Variants in OPCML observed in about 807,000 individuals in gnomAD.
OPCML encodes the protein opioid-binding protein/cell adhesion molecule.
A neutral mutation model predicts 37.8 loss-of-function variants in OPCML; 13 were observed. That is an observed-to-expected ratio of 0.34 (90% CI 0.22 to 0.55). OPCML has a LOEUF of 0.55. Ranked by LOEUF, OPCML falls within the 20% of genes least tolerant of loss-of-function variation. The pLI is 0.91. For missense variants in OPCML, 341 were observed against 435.6 expected, an observed-to-expected ratio of 0.78 and a Z score of 1.93; for synonymous variants, 176 against 168.8, an observed-to-expected ratio of 1.04 and a Z score of -0.33.
chr11:133,059,184 T>C (rs1360817539), intron 1 of OPCML, among the ~76,000 whole-genome samples: 1 of 152,198 alleles, frequency 6.6e-6, no homozygotes, highest in East Asian at 1.9e-4. Context: ...CTATCTAGAA[T>C]TGTATTGCCA....
chr11:133,096,130 A>ATG (rs59616366), intron 1 of OPCML, among the ~76,000 whole-genome samples: 21,041 of 149,936 alleles, frequency 0.14, 2,163 homozygotes, highest in African/African-American at 0.3. Flanking sequence ...TTGTGCACAA[A>ATG]TGTGTGTGTG....
rs981498866 is a variant in OPCML at position 132,608,022 on chromosome 11, G to A, written c.379+49065C>T. ...GAGGAAAATAATTTGAATGTTTCTC[G>A]CATAAAGAAGAGACAAATATTTGAG... On this transcript the variant is annotated intron_variant, in intron 3 of 7. Coordinates refer to ENST00000524381, the MANE Select transcript of OPCML (RefSeq NM_001012393.5). 4.6e-5 allele frequency among the ~76,000 whole-genome samples: 7 copies of A among 152,244 alleles called. 1 individual carries two copies. Among genetic ancestry groups the A allele is most frequent in the Non-Finnish European group, 4.4e-5 (3 of 68,014 alleles).
At chr11:132,464,903 A>C (rs1180253985) in intron 4 of OPCML, among the ~76,000 whole-genome samples, 3 of 152,240 alleles carry the variant, frequency 2.0e-5, no homozygotes, top group African/African-American at 7.2e-5. Flanking sequence ...TCCCCAGAGG[A>C]AAGCATGGTT....
chr11:133,493,159 C>T (rs1044522808), intron 1 of OPCML, among the ~76,000 whole-genome samples: 55 of 152,200 alleles, frequency 3.6e-4, no homozygotes, highest in African/African-American at 1.3e-3. Context: ...CCCCAGAAGG[C>T]CACCCCCATC....
chr11:133,180,066 CA>C (rs1031118324), intron 1 of OPCML, among the ~76,000 whole-genome samples: 7 of 152,238 alleles, frequency 4.6e-5, no homozygotes, highest in African/African-American at 1.7e-4. Context: ...CAGCAAGAAT[CA>C]AAAAAGGCCA....
At chr11:132,841,297 G>A (rs149638977) in intron 2 of OPCML, among the ~76,000 whole-genome samples, 234 of 152,058 alleles carry the variant, frequency 1.5e-3, no homozygotes, top group Middle Eastern at 0.01. Context: ...CTGACCCCCC[G>A]GCCCCCACTA....
At chr11:133,073,125 G>A (rs923500331) in intron 1 of OPCML, among the ~76,000 whole-genome samples, 12 of 152,140 alleles carry the variant, frequency 7.9e-5, no homozygotes, top group African/African-American at 2.7e-4. Context: ...CCTGAGGGAC[G>A]GAGGGGGAAG....
At chr11:133,523,955 C>G (rs899185535) in intron 1 of OPCML, among the ~76,000 whole-genome samples, 1 of 152,220 alleles carries the variant, frequency 6.6e-6, no homozygotes. Flanking sequence ...CACACACCTC[C>G]CCTTCCATAG....
intron 1 of OPCML, among the ~76,000 whole-genome samples, chr11:133,220,067 T>C (rs1939752116): frequency 6.6e-6 from 1 of 152,186 alleles, no homozygotes. Flanking sequence ...ATATCATTCA[T>C]TCCTTCAACC....
chr11:132,907,154 C>A (rs1196535328), intron 2 of OPCML, among the ~76,000 whole-genome samples: 4 of 152,178 alleles, frequency 2.6e-5, no homozygotes, highest in Non-Finnish European at 5.9e-5. Flanking sequence ...ATCTACGTCA[C>A]TGACTCCCAA....
chr11:132,845,607 G>A (rs1434816072), intron 2 of OPCML, among the ~76,000 whole-genome samples: 1 of 152,128 alleles, frequency 6.6e-6, no homozygotes, highest in Non-Finnish European at 1.5e-5. Context: ...TAATATTCGA[G>A]TTCCCAAAAG....
At chr11:132,579,200 A>C (rs563313321) in intron 3 of OPCML, among the ~76,000 whole-genome samples, 15 of 152,120 alleles carry the variant, frequency 9.9e-5, no homozygotes, top group Non-Finnish European at 2.9e-5. Flanking sequence ...GTCTATCTAC[A>C]TCGCTCACTT....
intron 2 of OPCML, among the ~76,000 whole-genome samples, chr11:132,702,833 C>T (rs940925263): frequency 6.6e-6 from 1 of 151,824 alleles, no homozygotes; most frequent in African/African-American, 2.4e-5. Flanking sequence ...AGTCTACTGT[C>T]AATGCTTTAT....
At chr11:133,201,317 T>TG in intron 1 of OPCML, among the ~76,000 whole-genome samples, 1 of 151,954 alleles carries the variant, frequency 6.6e-6, no homozygotes, top group South Asian at 2.1e-4. Flanking sequence ...TTTTTTTTTT[T>TG]TACCATTGAA....
chr11:132,722,207 A>C (rs1944698486), intron 2 of OPCML, among the ~76,000 whole-genome samples: 1 of 151,126 alleles, frequency 6.6e-6, no homozygotes, highest in Admixed American at 6.6e-5. Flanking sequence ...CACCTGCCTC[A>C]GCCTCCCAAA....
chr11:133,265,463 CCTT>C (rs1406770121), intron 1 of OPCML, among the ~76,000 whole-genome samples: 4 of 152,184 alleles, frequency 2.6e-5, no homozygotes, highest in East Asian at 3.9e-4. Flanking sequence ...TGTTTTCTGT[CCTT>C]CTAGAGAATG....
intron 4 of OPCML, among the ~76,000 whole-genome samples, chr11:132,507,052 A>G (rs552523320): frequency 4.6e-5 from 7 of 152,140 alleles, no homozygotes; most frequent in Middle Eastern, 3.4e-3. Flanking sequence ...AAATCAAAGT[A>G]GGAAATACAA....
chr11:132,658,639 C>T (rs76252006), intron 2 of OPCML, among the ~76,000 whole-genome samples: 4,699 of 152,284 alleles, frequency 0.031, 88 homozygotes, highest in African/African-American at 0.038. Flanking sequence ...GCCCTTTAGC[C>T]GCTGAGAAGT....
chr11:133,005,351 G>A, intron 1 of OPCML: 1 of 985,402 alleles, frequency 1.0e-6, no homozygotes, highest in Non-Finnish European at 1.2e-6. Context: ...TAAATGTGAT[G>A]TAGACACATA....
Sources: gnomAD v4.1 joint callset for allele counts (sites outside exome capture counted in the v4.1 genomes callset) on GRCh38, gnomAD v4.1.1 for gene constraint, MANE v1.5 for transcripts, NCBI Gene and HGNC (gene_info 2026-07-23, HGNC 2026-07-21) for gene names.